Variants in INO80 observed in about 807,000 individuals in gnomAD.
INO80 encodes INO80 complex ATPase subunit.
In INO80, 20 loss-of-function variants were observed where a neutral mutation model predicts 203.4. That is an observed-to-expected ratio of 0.10 (90% CI 0.07 to 0.14). INO80 has a LOEUF of 0.14. INO80 is among the 10% of genes least tolerant of loss of function. The pLI is 1.00. For synonymous variants in INO80, 726 were observed against 685.2 expected, an observed-to-expected ratio of 1.06 and a Z score of -0.93; for missense variants, 1,419 against 1,914.4, an observed-to-expected ratio of 0.74 and a Z score of 4.83.
intron 23 of INO80, among the ~76,000 whole-genome samples, chr15:41,046,807 G>C (rs959327410): frequency 4.6e-5 from 7 of 151,624 alleles, no homozygotes; most frequent in Admixed American, 1.3e-4. Context: ...TGGTAGAAAT[G>C]GGGTTTCACC....
chr15:41,085,313 T>C (rs2045544602), intron 7 of INO80, 56 bp downstream of exon 7: 2 of 1,434,926 alleles, frequency 1.4e-6, no homozygotes, highest in Non-Finnish European at 9.8e-7. Flanking sequence ...TCCTCTTTAG[T>C]GGGTGGGGAG....
intron 14 of INO80, among the ~76,000 whole-genome samples, chr15:41,065,272 T>C (rs2045189792): frequency 6.6e-6 from 1 of 151,890 alleles, no homozygotes. Flanking sequence ...ACTCCGTCTC[T>C]ACCAAAAATA....
At chr15:41,000,288 A>T (rs546270174) in intron 28 of INO80, among the ~76,000 whole-genome samples, 1 of 152,260 alleles carries the variant, frequency 6.6e-6, no homozygotes. Context: ...GACCCAAAAT[A>T]TGAGCATGGG....
At chr15:41,107,135 T>G (rs1454984462) in intron 1 of INO80, among the ~76,000 whole-genome samples, 1 of 152,260 alleles carries the variant, frequency 6.6e-6, no homozygotes, top group East Asian at 1.9e-4. Flanking sequence ...TAGTTTCTCC[T>G]GTCAAGATTT....
At chr15:40,997,401 A>G in intron 29 of INO80, 128 bp downstream of exon 29, 1 of 642,966 alleles carries the variant, frequency 1.6e-6, no homozygotes, top group Non-Finnish European at 2.8e-6. Flanking sequence ...GCAAAGAAAT[A>G]AAAAGTTTGC....
chr15:41,053,922 T>C lies in INO80; in HGVS notation c.2274+7A>G, dbSNP rs1223252997. The C allele has an allele frequency of 1.9e-6, 3 of 1,610,954 alleles. No homozygotes were observed. Among genetic ancestry groups the C allele is most frequent in the East Asian group, 2.2e-5 (1 of 44,812 alleles). On this transcript the variant is annotated splice_region_variant and intron_variant, in intron 19 of 35. Coordinates refer to ENST00000648947, the MANE Select transcript of INO80 (RefSeq NM_017553.3). ...AGGCTTAAACACATGAGGTCTTCTT[T>C]ACTTACCTTGTCAGATAATTCATTT...
intron 1 of INO80, among the ~76,000 whole-genome samples, chr15:41,105,896 C>T (rs760207863): frequency 6.6e-6 from 1 of 152,118 alleles, no homozygotes; most frequent in Non-Finnish European, 1.5e-5. Context: ...ATATTTCCTG[C>T]CCCAATCACA....
At chr15:40,986,159 G>C (rs984282910) in intron 31 of INO80, among the ~76,000 whole-genome samples, 7 of 152,098 alleles carry the variant, frequency 4.6e-5, no homozygotes, top group Admixed American at 3.9e-4. Flanking sequence ...GGTTACAGCT[G>C]CGTGCTTCTC....
At chr15:41,076,786 A>C (rs1021414892) in intron 9 of INO80, among the ~76,000 whole-genome samples, 6 of 152,172 alleles carry the variant, frequency 3.9e-5, no homozygotes, top group Admixed American at 6.6e-5. Flanking sequence ...AAAAATAATC[A>C]TTGTGTCGAT....
intron 24 of INO80, among the ~76,000 whole-genome samples, chr15:41,038,810 A>T (rs1169556388): frequency 6.6e-6 from 1 of 152,198 alleles, no homozygotes; most frequent in Non-Finnish European, 1.5e-5. Flanking sequence ...TAATCTTCAT[A>T]AAATACAAAT....
At chr15:41,031,037 G>A (rs1193669859) in intron 24 of INO80, among the ~76,000 whole-genome samples, 1 of 152,180 alleles carries the variant, frequency 6.6e-6, no homozygotes, top group Non-Finnish European at 1.5e-5. Flanking sequence ...TCAAGGTGAT[G>A]TATAGCTTTC....
rs1184588006 is a variant in INO80 at position 41,074,476 on chromosome 15, A to G, written c.1221T>C (p.His407=). The change falls in exon 10 of 36, where the codon CAT becomes CAC. Residue 407 remains histidine (H), a synonymous_variant. Transcript: ENST00000648947. ...TTAGGATTTCTTCCTGGATACCATCATGACCCATATCTCGTTTGCGACTCA... is the reference window on the plus strand; with the variant it reads ...TTAGGATTTCTTCCTGGATACCATCGTGACCCATATCTCGTTTGCGACTCA... ...HFMSRKRDMG[H]DGIQEEILRK... The G allele has an allele frequency of 1.9e-6, 3 of 1,613,810 alleles. No homozygotes were observed. The highest frequency in any genetic ancestry group is 2.7e-5 in the African/African-American group (2 of 74,896).
chr15:41,060,844 A>G (rs2045091779), intron 14 of INO80, among the ~76,000 whole-genome samples: 1 of 152,246 alleles, frequency 6.6e-6, no homozygotes, highest in African/African-American at 2.4e-5. Context: ...CCTCTCTAGA[A>G]GAAAACAGTT....
At chr15:41,091,279 C>T (rs1334350045) in intron 5 of INO80, among the ~76,000 whole-genome samples, 1 of 152,022 alleles carries the variant, frequency 6.6e-6, no homozygotes, top group African/African-American at 2.4e-5. Context: ...GGGCTGGGCT[C>T]GAACTCCTGA....
intron 29 of INO80, among the ~76,000 whole-genome samples, chr15:40,990,352 C>A (rs2043800314): frequency 6.6e-6 from 1 of 152,146 alleles, no homozygotes; most frequent in Non-Finnish European, 1.5e-5. Context: ...TTTCTTGAAA[C>A]TGTTTCTGTC....
intron 29 of INO80, among the ~76,000 whole-genome samples, chr15:40,993,144 T>G (rs1166869835): frequency 1.3e-5 from 2 of 152,164 alleles, no homozygotes; most frequent in Non-Finnish European, 2.9e-5. Flanking sequence ...CTACTCTTAT[T>G]CCTCTACTTA....
At chr15:41,036,557 T>C (rs1207336985) in intron 24 of INO80, among the ~76,000 whole-genome samples, 1 of 151,992 alleles carries the variant, frequency 6.6e-6, no homozygotes, top group Non-Finnish European at 1.5e-5. Flanking sequence ...ATATTAAGAG[T>C]AAAACTGTAC....
chr15:41,069,582 A>T lies in INO80; in HGVS notation c.1770T>A (p.Val590=). The change falls in exon 14 of 36, where the codon GTT becomes GTA. Residue 590 remains valine, a synonymous_variant. Coordinates refer to ENST00000648947, the MANE Select transcript of INO80 (RefSeq NM_017553.3). The stretch of plus-strand genomic sequence containing the variant: ...GACTGATATTTACCTTAAATTTAGG[A>T]ACAAATCTAGTAAACTCCTGGTGCC... The part of the protein sequence containing the change: ...NNWHQEFTRF[V]PKFKVLPYWG... The T allele has an allele frequency of 6.3e-7, 1 of 1,593,668 alleles. No homozygotes were observed. The highest frequency in any genetic ancestry group is 8.6e-7 in the Non-Finnish European group (1 of 1,164,394).
At chr15:41,056,502 TG>T in intron 17 of INO80, 119 bp downstream of exon 17, 1 of 741,450 alleles carries the variant, frequency 1.3e-6, no homozygotes, top group Non-Finnish European at 2.2e-6. Flanking sequence ...GTCTTTTATG[TG>T]GGGACTATAA....
Sources: gnomAD v4.1 joint callset for allele counts (sites outside exome capture counted in the v4.1 genomes callset) on GRCh38, gnomAD v4.1.1 for gene constraint, MANE v1.5 for transcripts, NCBI Gene and HGNC (gene_info 2026-07-23, HGNC 2026-07-21) for gene names.